Variants in ADAR observed in about 807,000 individuals in gnomAD.
ADAR encodes the protein adenosine deaminase RNA specific, also known as double-stranded RNA-specific adenosine deaminase.
Under a neutral mutation model 113.2 loss-of-function variants are expected in ADAR, and 41 were observed. That is an observed-to-expected ratio of 0.36 (90% confidence interval 0.28 to 0.47). ADAR has a LOEUF of 0.47. ADAR is among the 20% of genes least tolerant of loss of function. ADAR has a pLI of 1.00. For missense variants in ADAR, 1,242 were observed against 1,540.9 expected (o/e 0.81, Z 3.25); for synonymous variants, 605 against 572.6 (o/e 1.06, Z -0.81).
chr1:154,586,287 A>C lies in ADAR; in HGVS notation c.3096T>G (p.Arg1032=). The part of the protein sequence containing the change: ...WDGIRLGERL[R]TMSCSDKILR... ...GGATTTTGTCACTACAGGACATGGT[A>C]CGGAGTCTCTCCCCGAGCCGAATGC... Residue 1032 remains arginine, a synonymous_variant, in exon 12 of 15, where the codon CGT becomes CGG. Transcript: ENST00000368474. 1 of 1,614,196 alleles carries C rather than the reference A, an allele frequency of 6.2e-7. No homozygotes were observed. The highest frequency in any genetic ancestry group is 2.2e-5 in the East Asian group (1 of 44,880).
intron 4 of ADAR, 109 bp downstream of exon 4, chr1:154,597,719 A>T: frequency 6.9e-7 from 1 of 1,458,184 alleles, no homozygotes; most frequent in Non-Finnish European, 9.6e-7. Context: ...CCCCATTTTG[A>T]AACAGGAGAA....
intron 1 of ADAR, among the ~76,000 whole-genome samples, chr1:154,627,258 G>T (rs369558942): frequency 5.2e-4 from 79 of 152,340 alleles, no homozygotes; most frequent in Middle Eastern, 3.4e-3. Flanking sequence ...GACGCAACTA[G>T]GCCTCCTGCA....
At chr1:154,603,745 CT>C (rs554600577) in intron 1 of ADAR, among the ~76,000 whole-genome samples, 28 of 152,226 alleles carry the variant, frequency 1.8e-4, no homozygotes, top group African/African-American at 6.0e-4. Flanking sequence ...ACCTTGCTTC[CT>C]TTCCCTGGGG....
intron 14 of ADAR, 75 bp downstream of exon 14, chr1:154,585,142 G>A: frequency 6.2e-7 from 1 of 1,613,142 alleles, no homozygotes; most frequent in South Asian, 1.1e-5. Context: ...CAAGCCCTGA[G>A]ACTGCAGAGG....
intron 1 of ADAR, among the ~76,000 whole-genome samples, chr1:154,605,259 C>T (rs776420930): frequency 5.3e-5 from 8 of 152,146 alleles, no homozygotes; most frequent in Non-Finnish European, 1.0e-4. Context: ...TGGCACATCT[C>T]CCTCCACAGC....
intron 6 of ADAR, among the ~76,000 whole-genome samples, chr1:154,595,754 T>G (rs1398342795): frequency 6.6e-6 from 1 of 152,134 alleles, no homozygotes; most frequent in African/African-American, 2.4e-5. Flanking sequence ...AAGTGAACAG[T>G]GTTTACAAAG....
Position 154,601,303 on chromosome 1 carries a change from C to G in ADAR, c.1339G>C (p.Val447Leu), listed in dbSNP as rs780559482. The G allele has an allele frequency of 6.2e-7, 1 of 1,614,238 alleles. No individual in the cohort carries two copies. The highest frequency in any genetic ancestry group is 8.5e-7 in the Non-Finnish European group (1 of 1,180,044). Residue 447 changes from valine (V) to leucine (L), a missense_variant, in exon 2 of 15, where the codon GTT becomes CTT. Val to Leu is a conservative substitution (Grantham distance 32). Transcript: ENST00000368474. This position sits in a 1 kb window ranked among gnomAD's most constrained non-coding sequence, Gnocchi z 4.7. The stretch of plus-strand genomic sequence containing the variant: ...GCCCACTGGCCATTTTCAAAGTCAA[C>G]ATACCCTGCTTTTGAGGGGCCATTG... ...HYNGPSKAGYVDFENGQWATD... is the reference protein window; with the variant it reads ...HYNGPSKAGYLDFENGQWATD...
At chr1:154,590,140 G>GTGC in intron 7 of ADAR, 44 bp downstream of exon 7, 2 of 1,373,184 alleles carry the variant, frequency 1.5e-6, no homozygotes, top group East Asian at 2.4e-5. Flanking sequence ...GAGTTAGGAG[G>GTGC]ACCCCCCCGC....
intron 7 of ADAR, 74 bp from the exon 8 acceptor site, chr1:154,590,002 A>T (rs1697022231): frequency 6.9e-6 from 11 of 1,585,442 alleles, no homozygotes; most frequent in Non-Finnish European, 8.6e-6. Flanking sequence ...GGGCAGGGAG[A>T]TCAAGCTCTA....
At chr1:154,607,635 C>T (rs1028027459) in intron 1 of ADAR, among the ~76,000 whole-genome samples, 1 of 152,182 alleles carries the variant, frequency 6.6e-6, no homozygotes, top group Non-Finnish European at 1.5e-5. Flanking sequence ...CCCCCAAGCC[C>T]TCTTCACGCA....
At chr1:154,603,443 G>A (rs1698009244) in intron 1 of ADAR, among the ~76,000 whole-genome samples, 1 of 152,144 alleles carries the variant, frequency 6.6e-6, no homozygotes, top group Admixed American at 6.5e-5. Context: ...AAACCACCCA[G>A]GCTCTCCTGG....
intron 1 of ADAR, among the ~76,000 whole-genome samples, chr1:154,617,513 A>AC (rs1698666036): frequency 6.6e-6 from 1 of 152,166 alleles, no homozygotes. Context: ...ATGTGTGAGG[A>AC]CCCCTTAATA....
intron 1 of ADAR, among the ~76,000 whole-genome samples, chr1:154,616,127 T>C (rs1230856684): frequency 1.3e-5 from 2 of 152,200 alleles, no homozygotes; most frequent in African/African-American, 2.4e-5. Flanking sequence ...GCTTCAGCAA[T>C]ACAGATAAGG....
At chr1:154,619,664 T>C (rs962242) in intron 1 of ADAR, among the ~76,000 whole-genome samples, 24,804 of 152,220 alleles carry the variant, frequency 0.16, 2,545 homozygotes, top group Non-Finnish European at 0.22. Flanking sequence ...TGCATGAACC[T>C]TCCCTTATGA....
Position 154,589,793 on chromosome 1 carries a change from A to G in ADAR, c.2632T>C (p.Ser878Pro), listed in dbSNP as rs1261780777. Reference sequence around the variant, plus strand: ...CTGACGACGACACCCATGTCCTCAGAGTCTTTTTTCATAATGATGGCGGCC... The same window carrying G: ...CTGACGACGACACCCATGTCCTCAGGGTCTTTTTTCATAATGATGGCGGCC... ...ILAAIIMKKD[S>P]EDMGVVVSLG... The change falls in exon 8 of 15, where the codon TCT becomes CCT. Residue 878 changes from serine to proline, a missense_variant. Physicochemically the swap from Ser to Pro is moderately conservative, Grantham distance 74. This residue lies in a region of ADAR where 780 missense variants were observed against 1,057.9 expected (regional missense o/e 0.74). Coordinates refer to ENST00000368474, the MANE Select transcript of ADAR (RefSeq NM_001111.5). 3.7e-6 allele frequency: 6 copies of G among 1,613,936 alleles called. No individual in the cohort carries two copies. Among genetic ancestry groups the G allele is most frequent in the Non-Finnish European group, 5.1e-6 (6 of 1,180,026 alleles).
At chr1:154,618,358 AT>A (rs545399386) in intron 1 of ADAR, among the ~76,000 whole-genome samples, 84 of 152,276 alleles carry the variant, frequency 5.5e-4, no homozygotes, top group African/African-American at 1.9e-3. Context: ...ATACTAATTA[AT>A]ATCAAATTAA....
intron 11 of ADAR, among the ~76,000 whole-genome samples, chr1:154,587,608 A>G (rs532957263): frequency 6.6e-6 from 1 of 152,264 alleles, no homozygotes; most frequent in East Asian, 1.9e-4. Flanking sequence ...CGTGGCCTGA[A>G]CGCAATGGAG....
upstream of ADAR, among the ~76,000 whole-genome samples, chr1:154,612,324 T>TG (rs1260398856): frequency 2.3e-3 from 294 of 126,730 alleles, 1 homozygote; most frequent in African/African-American, 8.4e-3. Context: ...CTCAGTTTTT[T>TG]TTTTTTTTTT....
At chr1:154,597,086 A>G in intron 5 of ADAR, 37 bp downstream of exon 5, 2 of 1,614,202 alleles carry the variant, frequency 1.2e-6, no homozygotes, top group Middle Eastern at 3.3e-4. Context: ...CAGTTGCTAA[A>G]AATGACCTGT....
Sources: gnomAD v4.1 joint callset for allele counts (sites outside exome capture counted in the v4.1 genomes callset) on GRCh38, gnomAD v4.1.1 for gene constraint, gnomAD v4.1.1 regional missense constraint, Gnocchi (gnomAD v3.1) non-coding constraint, MANE v1.5 for transcripts, NCBI Gene and HGNC (gene_info 2026-07-23, HGNC 2026-07-21) for gene names.